SLC23A2: variants seen among roughly 807,000 people sequenced by gnomAD.
SLC23A2 encodes the protein solute carrier family 23 member 2, also known as Na(+)/L-ascorbic acid transporter 2.
In SLC23A2, 36 loss-of-function variants were observed where a neutral mutation model predicts 73.3. The observed-to-expected ratio is 0.49, with a 90% CI of 0.38 to 0.65. The LOEUF (loss-of-function observed/expected upper bound fraction) is 0.65, where lower values mean the gene tolerates loss of function less well. Among genes scored for constraint, SLC23A2 ranks in the 30% least tolerant of loss-of-function variants. The pLI is 0.00. For synonymous variants in SLC23A2, 343 were observed against 327.3 expected, an observed-to-expected ratio of 1.05 and a Z score of -0.52; for missense variants, 507 against 841.6, an observed-to-expected ratio of 0.60 and a Z score of 4.92.
rs145685248 is a variant in SLC23A2 at position 4,852,865 on chromosome 20, A to G, written c.*4107T>C. 6 of 152,752 alleles carry G rather than the reference A, an allele frequency of 3.9e-5. No individual in the cohort carries two copies. Among genetic ancestry groups the G allele is most frequent in the Non-Finnish European group, 8.8e-5 (6 of 68,036 alleles). The allele number at this position is 152,752 out of a possible 1,614,324, so 9.5% of individuals were successfully genotyped here. A position where few individuals can be genotyped will look rare whatever the true frequency, so the allele number is the denominator to read the frequency against. ...AGAGTGATGCTGAAACACAGTCAAC[A>G]CCAACCAGAAAGGACGGGAATGTCT... On this transcript the variant is annotated 3_prime_UTR_variant, in exon 17 of 17. Transcript: ENST00000338244. The surrounding 1 kb of genome is among the most constrained non-coding windows in gnomAD (Gnocchi z 4.3).
At chr20:4,962,853 C>T (rs550321645) in intron 2 of SLC23A2, among the ~76,000 whole-genome samples, 138 of 152,144 alleles carry the variant, frequency 9.1e-4, no homozygotes, top group Admixed American at 1.4e-3. Flanking sequence ...CAAAATTAGC[C>T]GGGTGTGGTG....
At chr20:4,933,577 C>T (rs933720981) in intron 2 of SLC23A2, among the ~76,000 whole-genome samples, 27 of 151,792 alleles carry the variant, frequency 1.8e-4, no homozygotes, top group Non-Finnish European at 1.5e-5. Flanking sequence ...TGCAGTGAGC[C>T]AAGATCGCAT....
intron 5 of SLC23A2, among the ~76,000 whole-genome samples, chr20:4,900,730 C>A (rs554265508): frequency 6.6e-6 from 1 of 152,304 alleles, no homozygotes; most frequent in Non-Finnish European, 1.5e-5. Flanking sequence ...ATCCCACTTT[C>A]CTTTGGGAGT....
rs1158819242 is a variant in SLC23A2 at position 4,947,700 on chromosome 20, T to C, written c.-154-14984A>G. ...GCAAAAAAGCTCAGGGCCAATGTTG[T>C]GGGTCCAACAATCATTCTGGAAGAC... is the stretch of plus-strand genomic sequence containing the variant. On this transcript the variant is annotated intron_variant, in intron 2 of 16. Coordinates refer to ENST00000338244, the MANE Select transcript of SLC23A2 (RefSeq NM_005116.6). The surrounding 1 kb of genome is among the most constrained non-coding windows in gnomAD (Gnocchi z 4.4). 6.6e-6 allele frequency among the ~76,000 whole-genome samples: 1 copy of C among 152,190 alleles called. No individual in the cohort carries two copies. The highest frequency in any genetic ancestry group is 1.5e-5 in the Non-Finnish European group (1 of 68,028).
At chr20:5,006,197 A>C, upstream of SLC23A2, among the ~76,000 whole-genome samples, 1 of 151,398 alleles carries the variant, frequency 6.6e-6, no homozygotes, top group Non-Finnish European at 1.5e-5. Flanking sequence ...CTCTGAGTTC[A>C]AGCGGTTCTC....
chr20:4,954,297 A>T (rs2087248459), intron 2 of SLC23A2, among the ~76,000 whole-genome samples: 1 of 152,224 alleles, frequency 6.6e-6, no homozygotes, highest in Non-Finnish European at 1.5e-5. Flanking sequence ...AATAGATATC[A>T]AACTTTGCAC....
At chr20:4,966,253 G>C (rs565695116) in intron 2 of SLC23A2, among the ~76,000 whole-genome samples, 21 of 152,164 alleles carry the variant, frequency 1.4e-4, no homozygotes, top group African/African-American at 4.3e-4. Context: ...GGAAGGGGAA[G>C]CTTTAGTAGC....
chr20:4,947,373 C>T lies in SLC23A2; in HGVS notation c.-154-14657G>A, dbSNP rs1220824430. ...TACATTTTAGCAAACTAAAGCAGAA[C>T]AAAGATGAGTTTTATTGCATTTATT... On this transcript the variant is annotated intron_variant, in intron 2 of 16. Transcript: ENST00000338244. The surrounding 1 kb of genome is among the most constrained non-coding windows in gnomAD (Gnocchi z 4.4). 6.6e-6 allele frequency among the ~76,000 whole-genome samples: 1 copy of T among 152,152 alleles called. No homozygotes were observed. Among genetic ancestry groups the T allele is most frequent in the African/African-American group, 2.4e-5 (1 of 41,434 alleles).
chr20:4,993,644 A>G (rs952805766), intron 1 of SLC23A2, among the ~76,000 whole-genome samples: 14 of 152,206 alleles, frequency 9.2e-5, no homozygotes, highest in African/African-American at 3.4e-4. Flanking sequence ...TAGATAAAAC[A>G]GAAGAGACTT....
At chr20:4,906,329 T>C (rs1172760669) in intron 4 of SLC23A2, among the ~76,000 whole-genome samples, 5 of 149,664 alleles carry the variant, frequency 3.3e-5, no homozygotes, top group Non-Finnish European at 7.4e-5. Context: ...ACAGAGATCT[T>C]GTCTCAAAAA....
intron 1 of SLC23A2, among the ~76,000 whole-genome samples, chr20:4,975,571 G>C (rs1484290596): frequency 6.6e-6 from 1 of 151,862 alleles, no homozygotes. Flanking sequence ...AGTAAAGACA[G>C]GGTTTCACCA....
At chr20:4,950,936 C>G (rs752583934) in intron 2 of SLC23A2, among the ~76,000 whole-genome samples, 1 of 152,132 alleles carries the variant, frequency 6.6e-6, no homozygotes, top group Non-Finnish European at 1.5e-5. Context: ...ACCACCTGAC[C>G]AGAAGTGACA....
At chr20:4,860,400 T>C (rs114213640) in intron 15 of SLC23A2, among the ~76,000 whole-genome samples, 3,955 of 152,350 alleles carry the variant, frequency 0.026, 182 homozygotes, top group African/African-American at 0.09. Flanking sequence ...ATGTCTGTCA[T>C]ACCGTGTGCT....
At chr20:4,884,062 A>G (rs551855942) in intron 8 of SLC23A2, among the ~76,000 whole-genome samples, 1 of 152,350 alleles carries the variant, frequency 6.6e-6, no homozygotes, top group South Asian at 2.1e-4. Flanking sequence ...CACGGCCCAC[A>G]TGCCTTTTTC....
intron 1 of SLC23A2, among the ~76,000 whole-genome samples, chr20:4,984,345 G>A (rs1179206963): frequency 1.3e-5 from 2 of 152,052 alleles, no homozygotes; most frequent in African/African-American, 4.8e-5. Flanking sequence ...ACAAGGTCAG[G>A]AGATCGAGAC....
At chr20:4,922,076 T>C (rs953421167) in intron 3 of SLC23A2, among the ~76,000 whole-genome samples, 1 of 152,198 alleles carries the variant, frequency 6.6e-6, no homozygotes, top group Non-Finnish European at 1.5e-5. Flanking sequence ...ATTATGGGCT[T>C]AGATTATGGT....
intron 2 of SLC23A2, among the ~76,000 whole-genome samples, chr20:4,968,231 T>C (rs771756035): frequency 1.3e-5 from 2 of 152,152 alleles, no homozygotes; most frequent in African/African-American, 2.4e-5. Flanking sequence ...GAAGTGAGAT[T>C]AGGGTTAGCC....
intron 3 of SLC23A2, among the ~76,000 whole-genome samples, chr20:4,914,717 C>T (rs1366875905): frequency 6.6e-6 from 1 of 152,136 alleles, no homozygotes; most frequent in Non-Finnish European, 1.5e-5. Context: ...CATTATTATA[C>T]ACTCATTTAG....
At chr20:4,911,232 G>A (rs1053335284) in intron 4 of SLC23A2, among the ~76,000 whole-genome samples, 3 of 152,170 alleles carry the variant, frequency 2.0e-5, no homozygotes, top group African/African-American at 7.2e-5. Flanking sequence ...AACCTTTGGG[G>A]AGCAGCTTGG....
Sources: gnomAD v4.1 joint callset for allele counts (sites outside exome capture counted in the v4.1 genomes callset) on GRCh38, gnomAD v4.1.1 for gene constraint, Gnocchi (gnomAD v3.1) non-coding constraint, MANE v1.5 for transcripts, NCBI Gene and HGNC (gene_info 2026-07-23, HGNC 2026-07-21) for gene names.